Variants in POM121 observed in about 807,000 individuals in gnomAD.
The protein encoded by POM121 is nuclear envelope pore membrane protein POM 121.
POM121 carries 32 observed loss-of-function variants against 81.3 expected under a neutral mutation model. The ratio of observed to expected loss-of-function variants is 0.39; its 90% CI spans 0.30 to 0.53. The LOEUF is 0.53. POM121 is among the 20% of genes least tolerant of loss of function. The pLI, the probability that POM121 is intolerant of heterozygous loss-of-function variation, is 0.66. For synonymous variants in POM121, 514 were observed against 694.2 expected (o/e 0.74, Z 4.08); for missense variants, 1,138 against 1,614.6 (o/e 0.70, Z 5.06).
At chr7:72,893,280 G>A (rs1198188724) in intron 3 of POM121, among the ~76,000 whole-genome samples, 1 of 151,086 alleles carries the variant, frequency 6.6e-6, no homozygotes. Flanking sequence ...ATTTTAAATT[G>A]TGGTTAAAAA....
upstream of POM121, chr7:72,924,707 C>T (rs1332577491): frequency 5.7e-6 from 1 of 175,382 alleles, no homozygotes; most frequent in Non-Finnish European, 1.2e-5. Context: ...GGTAATCGTC[C>T]CACGTTTTCA....
chr7:72,922,265 G>C (rs1794882909), upstream of POM121, among the ~76,000 whole-genome samples: 1 of 152,060 alleles, frequency 6.6e-6, no homozygotes, highest in South Asian at 2.1e-4. Flanking sequence ...TTTTGTTATT[G>C]ATTCTTTGGA....
chr7:72,880,406 C>A (rs2129574170), intron 1 of POM121, among the ~76,000 whole-genome samples: 1 of 152,292 alleles, frequency 6.6e-6, no homozygotes, highest in South Asian at 2.1e-4. Flanking sequence ...GGAGACTTAT[C>A]TTCCAGGCCA....
intron 3 of POM121, among the ~76,000 whole-genome samples, chr7:72,903,481 G>A (rs1554492999): frequency 6.6e-6 from 1 of 152,152 alleles, no homozygotes; most frequent in Non-Finnish European, 1.5e-5. Context: ...TGGGGTAACT[G>A]GAAATTATTT....
rs373054059 is a variant in POM121 at position 72,946,171 on chromosome 7, A to G, written c.3687A>G (p.Gly1229=). The G allele has an allele frequency of 6.2e-7, 1 of 1,611,516 alleles. No homozygotes were observed. Among genetic ancestry groups the G allele is most frequent in the Non-Finnish European group, 8.5e-7 (1 of 1,179,734 alleles). ...SAALSFSIGA[G]SKTPGARQRL... is the part of the protein sequence containing the mutation. ...CCCTTTCATTTTCCATTGGTGCGGGATCCAAGACCCCAGGGGCTCGACAGC... is the reference window on the plus strand; with the variant it reads ...CCCTTTCATTTTCCATTGGTGCGGGGTCCAAGACCCCAGGGGCTCGACAGC... The change falls in exon 13 of 13, where the codon GGA becomes GGG. Residue 1229 remains glycine (G), a synonymous_variant. Transcript: ENST00000434423.
upstream of POM121, among the ~76,000 whole-genome samples, chr7:72,922,494 C>G (rs1380009876): frequency 1.3e-5 from 2 of 151,940 alleles, no homozygotes; most frequent in South Asian, 4.1e-4. Flanking sequence ...TCAAGCGATT[C>G]TCCAGCCTCA....
chr7:72,942,780 C>T lies in POM121; in HGVS notation c.2787C>T (p.Ala929=), dbSNP rs782364109. Residue 929 remains alanine, a synonymous_variant, in exon 11 of 13, where the codon GCC becomes GCT. Transcript: ENST00000434423. ...TTGGCAGCACCCTCGCCACCTCCGCCCCGGCCACCAGCAGCCAGCCCACTC... is the reference window on the plus strand; with the variant it reads ...TTGGCAGCACCCTCGCCACCTCCGCTCCGGCCACCAGCAGCCAGCCCACTC... ...SGFGSTLATS[A]PATSSQPTLT... 2.9e-6 allele frequency: 4 copies of T among 1,396,664 alleles called. No individual in the cohort carries two copies. Among genetic ancestry groups the T allele is most frequent in the South Asian group, 2.8e-5 (2 of 70,860 alleles). The allele number at this position is 1,396,664 out of a possible 1,614,324, so 86.5% of individuals were successfully genotyped here. A position where few individuals can be genotyped will look rare whatever the true frequency, so the allele number is the denominator to read the frequency against.
chr7:72,897,212 C>A (rs1486600900), intron 3 of POM121, among the ~76,000 whole-genome samples: 1 of 151,714 alleles, frequency 6.6e-6, no homozygotes, highest in East Asian at 1.9e-4. Flanking sequence ...ATTACTGTGA[C>A]GGGAAAAAAG....
chr7:72,938,494 G>A, intron 5 of POM121, 96 bp from the exon 6 acceptor site: 2 of 1,374,948 alleles, frequency 1.5e-6, no homozygotes, highest in African/African-American at 1.4e-5. Flanking sequence ...TAACCATAAA[G>A]AATGTTTTTT....
intron 4 of POM121, among the ~76,000 whole-genome samples, chr7:72,919,261 C>T (rs1257836386): frequency 6.9e-6 from 1 of 143,952 alleles, no homozygotes; most frequent in Non-Finnish European, 1.5e-5. Context: ...GAGCTTGGAG[C>T]TGTCTTACTC....
At chr7:72,893,256 G>A (rs554024056) in intron 3 of POM121, among the ~76,000 whole-genome samples, 141 of 151,598 alleles carry the variant, frequency 9.3e-4, no homozygotes, top group South Asian at 2.8e-3. Context: ...ACTGCACCCA[G>A]CCCCCTTCAT....
chr7:72,920,840 T>C (rs186949486), upstream of POM121, among the ~76,000 whole-genome samples: 7 of 152,192 alleles, frequency 4.6e-5, no homozygotes, highest in East Asian at 1.2e-3. Flanking sequence ...GCCCTATAAA[T>C]TGTGAGTTTT....
chr7:72,921,714 T>C (rs1794833813), upstream of POM121, among the ~76,000 whole-genome samples: 1 of 152,246 alleles, frequency 6.6e-6, no homozygotes. Context: ...ACAGCTTTAT[T>C]AATCAATACA....
Position 72,938,243 on chromosome 7 carries a change from T to C in POM121, c.1276-347T>C, listed in dbSNP as rs551893385. Among the ~76,000 whole-genome samples, 228 of 151,964 alleles carry C rather than the reference T, an allele frequency of 1.5e-3. 1 individual carries two copies. The highest frequency in any genetic ancestry group is 5.3e-3 in the African/African-American group (220 of 41,478). ...TTCATTTTCTTTTCTTTTTTTTTTT[T>C]TGAGACAGGGTCTCACTCTGTCACC... On this transcript the variant is annotated intron_variant, in intron 5 of 12. Transcript: ENST00000434423.
chr7:72,948,858 C>T (rs782305102), downstream of POM121: 11 of 1,574,582 alleles, frequency 7.0e-6, no homozygotes, highest in East Asian at 2.2e-5. Context: ...TTCACCCCAT[C>T]CCCCCCTCCA....
chr7:72,893,192 C>T (rs1210502926), intron 3 of POM121, among the ~76,000 whole-genome samples: 9 of 151,988 alleles, frequency 5.9e-5, no homozygotes, highest in Non-Finnish European at 1.2e-4. Flanking sequence ...AACTCTTGGC[C>T]TTGTGATCTG....
chr7:72,929,145 TG>T (rs1554498114), intron 4 of POM121, among the ~76,000 whole-genome samples: 1 of 152,140 alleles, frequency 6.6e-6, no homozygotes, highest in Admixed American at 6.5e-5. Context: ...TGGTGGATGT[TG>T]GGGTTTTGGA....
intron 1 of POM121, among the ~76,000 whole-genome samples, chr7:72,886,094 T>C (rs1448193317): frequency 1.3e-5 from 2 of 152,174 alleles, no homozygotes; most frequent in Admixed American, 6.5e-5. Flanking sequence ...TTGTTCATTT[T>C]ATTTTTACAG....
rs369183692 is a variant in POM121 at position 72,943,917 on chromosome 7, G to C, written c.3529+395G>C. On this transcript the variant is annotated intron_variant, in intron 11 of 12. Coordinates refer to ENST00000434423, the MANE Select transcript of POM121 (RefSeq NM_001387691.1). ...TAGCCGGGCGTGGTGGTACCCACCT[G>C]TAATCCCAGCTACTCAGGAGGCTGA... Among the ~76,000 whole-genome samples, 4 of 152,354 alleles carry C rather than the reference G, an allele frequency of 2.6e-5. No individual in the cohort carries two copies. The South Asian group carries it at 8.3e-4, about 32-fold the overall frequency.
Sources: allele counts gnomAD v4.1 joint callset (sites outside exome capture counted in the v4.1 genomes callset), GRCh38; gene constraint gnomAD v4.1.1; transcripts MANE v1.5; gene names NCBI Gene and HGNC (gene_info 2026-07-23, HGNC 2026-07-21).